CHIC1: variants seen among roughly 807,000 people sequenced by gnomAD.
The protein encoded by CHIC1 is cysteine rich hydrophobic domain 1, also known as cysteine-rich hydrophobic domain-containing protein 1.
In CHIC1, 7 loss-of-function variants were observed where a neutral mutation model predicts 18.5. That is an observed-to-expected ratio of 0.38 (90% confidence interval 0.22 to 0.71). The LOEUF (loss-of-function observed/expected upper bound fraction) is 0.71, where lower values mean the gene tolerates loss of function less well. Among genes scored for constraint, CHIC1 ranks in the 30% least tolerant of loss-of-function variants. The probability of loss-of-function intolerance (pLI) is 0.49; values close to 1 mark genes in which losing one functional copy is unlikely to be tolerated. For missense variants in CHIC1, 159 were observed against 176.9 expected (o/e 0.90, Z 0.57); for synonymous variants, 77 against 73.5 (o/e 1.05, Z -0.25).
intron 2 of CHIC1, among the ~76,000 whole-genome samples, chrX:73,581,343 G>A (rs1408441719): frequency 9.0e-6 from 1 of 110,690 alleles, no homozygotes; most frequent in Non-Finnish European, 1.9e-5. Flanking sequence ...TTCCAAGAAA[G>A]CCAAAAGAAA....
chrX:73,649,897 G>T lies in CHIC1; in HGVS notation c.508-29429G>T, dbSNP rs2057907460. ...ATCTGCAGAATATACATTCTTCTCA[G>T]TGCCACATGGCACTTATTCTAGAAT... On this transcript the variant is annotated intron_variant, in intron 3 of 5. Transcript: ENST00000373502. Among the ~76,000 whole-genome samples the T allele has an allele frequency of 3.6e-5, 4 of 112,621 alleles. No individual in the cohort carries two copies. The South Asian group carries it at 1.5e-3, about 41-fold the overall frequency.
chrX:73,642,687 A>C (rs1290286319), intron 3 of CHIC1, among the ~76,000 whole-genome samples: 1 of 110,764 alleles, frequency 9.0e-6, no homozygotes, highest in Non-Finnish European at 1.9e-5. Context: ...ATCTTGAATT[A>C]ATTTTTGTAT....
chrX:73,664,244 C>A (rs978605091), intron 3 of CHIC1, among the ~76,000 whole-genome samples: 1 of 111,794 alleles, frequency 8.9e-6, no homozygotes, highest in Non-Finnish European at 1.9e-5. Flanking sequence ...CCAATGTTTC[C>A]CTTTTTACAT....
Position 73,584,413 on chromosome X carries a change from G to T in CHIC1, c.352-4G>T. Reference sequence around the variant, plus strand: ...AAACTGTTAAAGATTGTACCCTCTTGTAGGTGGCCCCAGAAGAATTTAAAA... The same window carrying T: ...AAACTGTTAAAGATTGTACCCTCTTTTAGGTGGCCCCAGAAGAATTTAAAA... On this transcript the variant is annotated splice_region_variant and splice_polypyrimidine_tract_variant and intron_variant, in intron 2 of 5. Coordinates refer to ENST00000373502, the MANE Select transcript of CHIC1 (RefSeq NM_001039840.4). The T allele has an allele frequency of 8.4e-7, 1 of 1,186,092 alleles. No homozygotes were observed.
chrX:73,592,660 G>GT (rs376265960), intron 3 of CHIC1, among the ~76,000 whole-genome samples: 11 of 108,818 alleles, frequency 1.0e-4, no homozygotes, highest in African/African-American at 3.0e-4. Context: ...TTGGCCTGAA[G>GT]TTTTTTTTTC....
intron 3 of CHIC1, among the ~76,000 whole-genome samples, chrX:73,603,005 T>C (rs181030268): frequency 9.2e-6 from 1 of 108,959 alleles, no homozygotes; most frequent in Admixed American, 9.6e-5. Flanking sequence ...GGCTGTTTTT[T>C]GATTTGATAT....
At chrX:73,634,633 AAC>A (rs1049009146) in intron 3 of CHIC1, among the ~76,000 whole-genome samples, 1 of 111,340 alleles carries the variant, frequency 9.0e-6, no homozygotes, top group Non-Finnish European at 1.9e-5. Context: ...TAAGCAAGTT[AAC>A]AGGATCTATA....
At chrX:73,600,986 G>C (rs1400191816) in intron 3 of CHIC1, among the ~76,000 whole-genome samples, 1 of 107,848 alleles carries the variant, frequency 9.3e-6, no homozygotes, top group Non-Finnish European at 1.9e-5. Flanking sequence ...ATGGGAAAGG[G>C]ATCAATTCAA....
At chrX:73,609,063 G>T (rs773835068) in intron 3 of CHIC1, among the ~76,000 whole-genome samples, 1 of 105,881 alleles carries the variant, frequency 9.4e-6, no homozygotes, top group East Asian at 2.9e-4. Flanking sequence ...GCTGAGGCAG[G>T]AGAATCACTT....
At chrX:73,577,265 T>A (rs2057503840) in intron 1 of CHIC1, 142 bp from the exon 2 acceptor site, 1 of 360,110 alleles carries the variant, frequency 2.8e-6, no homozygotes, top group Non-Finnish European at 4.9e-6. Context: ...TTTCTATAAA[T>A]GTCATATAAA....
In CHIC1 at chrX:73,567,076, T is replaced by A. The variant is rs544058002; in HGVS notation, c.296+3496T>A. Among the ~76,000 whole-genome samples the A allele has an allele frequency of 5.4e-5, 6 of 111,423 alleles. No individual in the cohort carries two copies. In the South Asian group the frequency reaches 1.9e-3, roughly 35 times the overall value. On this transcript the variant is annotated intron_variant, in intron 1 of 5. Coordinates refer to ENST00000373502, the MANE Select transcript of CHIC1 (RefSeq NM_001039840.4). The stretch of plus-strand genomic sequence containing the variant: ...TTTCTGGCAGTTTCTTAACTGTTCA[T>A]TCATGGGCTTCTCTTCCTTCTTGAC...
chrX:73,599,919 T>G (rs2057634528), intron 3 of CHIC1, among the ~76,000 whole-genome samples: 1 of 97,440 alleles, frequency 1.0e-5, no homozygotes, highest in Non-Finnish European at 2.0e-5. Context: ...TAAATTACCT[T>G]GGGCAGTATG....
At chrX:73,666,004 G>A (rs73229452) in intron 3 of CHIC1, among the ~76,000 whole-genome samples, 4,148 of 111,672 alleles carry the variant, frequency 0.037, 79 homozygotes, top group Middle Eastern at 0.051. Context: ...AGGTTCTGAG[G>A]CCTAAGTAAA....
intron 3 of CHIC1, among the ~76,000 whole-genome samples, chrX:73,650,510 C>A (rs374755510): frequency 8.2e-5 from 9 of 110,184 alleles, no homozygotes; most frequent in Non-Finnish European, 1.1e-4. Flanking sequence ...CACCACTGAC[C>A]GCACAGAAAT....
intron 1 of CHIC1, among the ~76,000 whole-genome samples, chrX:73,566,695 T>A (rs373238230): frequency 1.8e-5 from 2 of 112,142 alleles, no homozygotes; most frequent in African/African-American, 6.5e-5. Context: ...TGGATTCTGC[T>A]ACCAAAACCA....
intron 3 of CHIC1, among the ~76,000 whole-genome samples, chrX:73,591,179 A>G (rs1406448390): frequency 9.0e-6 from 1 of 111,493 alleles, no homozygotes; most frequent in Non-Finnish European, 1.9e-5. Context: ...CTAATTCTGC[A>G]TAGTCATACG....
chrX:73,593,622 T>G (rs2057592419), intron 3 of CHIC1, among the ~76,000 whole-genome samples: 2 of 111,690 alleles, frequency 1.8e-5, no homozygotes, highest in South Asian at 7.6e-4. Flanking sequence ...TAATTCTGTT[T>G]TCTTTATTTT....
chrX:73,572,610 G>A (rs943947001), intron 1 of CHIC1, among the ~76,000 whole-genome samples: 8 of 111,050 alleles, frequency 7.2e-5, no homozygotes, highest in African/African-American at 2.6e-4. Flanking sequence ...TTTCTCAGCA[G>A]CCCCGCCAAC....
chrX:73,629,058 G>T (rs762418238), intron 3 of CHIC1, among the ~76,000 whole-genome samples: 7 of 111,180 alleles, frequency 6.3e-5, no homozygotes, highest in Non-Finnish European at 1.1e-4. Flanking sequence ...GTGTTGATTT[G>T]CATTCTCTGG....
Sources: gnomAD v4.1 joint callset for allele counts (sites outside exome capture counted in the v4.1 genomes callset) on GRCh38, gnomAD v4.1.1 for gene constraint, MANE v1.5 for transcripts, NCBI Gene and HGNC (gene_info 2026-07-23, HGNC 2026-07-21) for gene names.